NUBP2: variants seen among roughly 807,000 people sequenced by gnomAD.
The protein encoded by NUBP2 is NUBP iron-sulfur cluster assembly factor 2, cytosolic, also known as cytosolic Fe-S cluster assembly factor NUBP2.
In NUBP2, 23 loss-of-function variants were observed where a neutral mutation model predicts 24.9. That is an observed-to-expected ratio of 0.92 (90% CI 0.66 to 1.31). The LOEUF is 1.31. Ranked by LOEUF, NUBP2 falls within the 50% of genes most tolerant of loss-of-function variation. The pLI is 0.00. For missense variants in NUBP2, 403 were observed against 386.5 expected (o/e 1.04, Z -0.36); for synonymous variants, 186 against 170.9 (o/e 1.09, Z -0.69).
chr16:1,784,906 GCA>G (rs1039827667), intron 1 of NUBP2: 7 of 162,724 alleles, frequency 4.3e-5, no homozygotes, highest in Admixed American at 3.3e-4. Flanking sequence ...GCATGGTGGC[GCA>G]CGCCTGTGGT....
chr16:1,788,264 G>A, intron 6 of NUBP2, 57 bp downstream of exon 6: 1 of 1,427,340 alleles, frequency 7.0e-7, no homozygotes, highest in Non-Finnish European at 9.2e-7. Flanking sequence ...TCTGCCCTGG[G>A]CGGGTTTGAC....
intron 1 of NUBP2, chr16:1,785,953 G>C (rs1041414248): frequency 2.4e-6 from 3 of 1,245,774 alleles, no homozygotes; most frequent in South Asian, 2.7e-5. Flanking sequence ...AGCCCCTGCC[G>C]TGTGGCAGGG....
At position 1,788,225 on chromosome 16, in the gene NUBP2, G is replaced by C; in HGVS notation, c.670+18G>C. 1 of 1,460,414 alleles carries C rather than the reference G, an allele frequency of 6.8e-7. No homozygotes were observed. Among genetic ancestry groups the C allele is most frequent in the South Asian group, 1.4e-5 (1 of 69,694 alleles). The allele number at this position is 1,460,414 out of a possible 1,614,324, so 90.5% of individuals were successfully genotyped here. A position where few individuals can be genotyped will look rare whatever the true frequency, so the allele number is the denominator to read the frequency against. The stretch of plus-strand genomic sequence containing the variant: ...CTTCTTAGGTGAGTGTCCCAAGCTG[G>C]TGCTGGGGTCGCGGCCTCCCATTCC... On this transcript the variant is annotated intron_variant, in intron 6 of 6. Coordinates refer to ENST00000262302, the MANE Select transcript of NUBP2 (RefSeq NM_012225.4).
rs1444844865 is a variant in NUBP2 at position 1,786,520 on chromosome 16, G to A, written c.17-17G>A. 3.2e-6 allele frequency: 5 copies of A among 1,579,670 alleles called. No individual in the cohort carries two copies. Among genetic ancestry groups the A allele is most frequent in the Non-Finnish European group, 3.5e-6 (4 of 1,158,564 alleles). ...GGCACCAGGAGCCCTGACCTTCTCT[G>A]TCGTGTTTCCGCCCAGAGCCTGGAA... On this transcript the variant is annotated splice_polypyrimidine_tract_variant and intron_variant, in intron 1 of 6. Transcript: ENST00000262302.
At chr16:1,785,139 C>A in intron 1 of NUBP2, 1 of 990,756 alleles carries the variant, frequency 1.0e-6, no homozygotes, top group Non-Finnish European at 1.2e-6. Flanking sequence ...CTGACCGGGA[C>A]TCATTGTCCA....
rs1207713149 is a variant in NUBP2, at chr16:1,786,566, A to G, written c.46A>G (p.Ile16Val). 14 of 1,605,580 alleles carry G rather than the reference A, an allele frequency of 8.7e-6. No homozygotes were observed. Among genetic ancestry groups the G allele is most frequent in the African/African-American group, 8.0e-5 (6 of 74,894 alleles). Reference sequence around the variant, plus strand: ...TGGAAACCTGGCCGGCGTCAGGCACATCATCCTGGTCCTCTCAGGAAAGGG... The same window carrying G: ...TGGAAACCTGGCCGGCGTCAGGCACGTCATCCTGGTCCTCTCAGGAAAGGG... The part of the protein sequence containing the change: ...EPGNLAGVRH[I>V]ILVLSGKGGV... Residue 16 changes from isoleucine (I) to valine (V), a missense_variant, in exon 2 of 7, where the codon ATC becomes GTC. Ile to Val is a conservative substitution (Grantham distance 29, BLOSUM62 3). Coordinates refer to ENST00000262302, the MANE Select transcript of NUBP2 (RefSeq NM_012225.4).
intron 4 of NUBP2, 40 bp from the exon 5 acceptor site, chr16:1,787,901 G>T (rs1273749771): frequency 6.2e-7 from 1 of 1,600,062 alleles, no homozygotes. Flanking sequence ...GTCCCTGCTG[G>T]TGCGCCTGGC....
chr16:1,786,018 C>T lies in NUBP2; in HGVS notation c.17-519C>T, dbSNP rs73483738. ...CTGGAGCTGTGCTGGAAGCAGCCGG[C>T]TCCCCTCACTTACCGCACATTGCAG... On this transcript the variant is annotated intron_variant, in intron 1 of 6. Coordinates refer to ENST00000262302, the MANE Select transcript of NUBP2 (RefSeq NM_012225.4). 6.9e-3 allele frequency: 8,114 copies of T among 1,183,268 alleles called. 438 individuals are homozygous for T. The African/African-American group carries it at 0.12, about 17-fold the overall frequency. The allele number at this position is 1,183,268 out of a possible 1,614,324, so 73.3% of individuals were successfully genotyped here.
At chr16:1,787,183 C>A (rs150910407) in intron 3 of NUBP2, 14 of 484,434 alleles carry the variant, frequency 2.9e-5, no homozygotes, top group Middle Eastern at 5.3e-4. Context: ...TCTGCTGAGA[C>A]CCTGGCCATG....
rs1897138092 is a variant in NUBP2, at chr16:1,789,100, C to G, written c.*386C>G. 2 of 190,282 alleles carry G rather than the reference C, an allele frequency of 1.1e-5. No individual in the cohort carries two copies. Among genetic ancestry groups the G allele is most frequent in the Non-Finnish European group, 2.1e-5 (2 of 93,482 alleles). The allele number at this position is 190,282 out of a possible 1,614,324, so 11.8% of individuals were successfully genotyped here. A position where few individuals can be genotyped will look rare whatever the true frequency, so the allele number is the denominator to read the frequency against. On this transcript the variant is annotated 3_prime_UTR_variant, in exon 7 of 7. Transcript: ENST00000262302. ...TCATCTGTGTTTAGCTCGGGGAGTG[C>G]CCCCTAAGGGGGCGAACTGACCTCA...
chr16:1,788,166 G>A lies in NUBP2; in HGVS notation c.629G>A (p.Gly210Asp). 1 of 1,535,156 alleles carries A rather than the reference G, an allele frequency of 6.5e-7. No individual in the cohort carries two copies. ...TGCACCAGCGTCTTCTCCAGGGGCG[G>A]CGGAGAGGAGCTGGCCCAGCTCGCC... Reference protein sequence around the residue: ...TECTSVFSRGGGEELAQLAGV... With the variant: ...TECTSVFSRGDGEELAQLAGV... The change falls in exon 6 of 7, where the codon GGC becomes GAC. Residue 210 changes from glycine (G) to aspartate (D), a missense_variant. Gly to Asp is a moderately conservative substitution (Grantham distance 94, BLOSUM62 -1). Coordinates refer to ENST00000262302, the MANE Select transcript of NUBP2 (RefSeq NM_012225.4).
At chr16:1,787,419 T>C (rs1897028262) in intron 3 of NUBP2, 2 of 560,416 alleles carry the variant, frequency 3.6e-6, no homozygotes, top group South Asian at 2.3e-5. Flanking sequence ...GTGTTCTGAT[T>C]TGGGGCCTCG....
chr16:1,785,962 GGACA>G, intron 1 of NUBP2: 2 of 1,216,138 alleles, frequency 1.6e-6, no homozygotes, highest in Non-Finnish European at 2.1e-6. Flanking sequence ...CGTGTGGCAG[GGACA>G]GGATGGGACC....
chr16:1,783,606 A>G (rs1349553107), intron 1 of NUBP2: 6 of 577,632 alleles, frequency 1.0e-5, no homozygotes, highest in Non-Finnish European at 1.3e-5. Flanking sequence ...TTTATCTTCT[A>G]AGAGACCTCG....
At chr16:1,783,072 G>A (rs1453518506) in intron 1 of NUBP2, 36 bp downstream of exon 1, 10 of 1,247,686 alleles carry the variant, frequency 8.0e-6, no homozygotes, top group Non-Finnish European at 1.0e-5. Flanking sequence ...CCGCTCCAGG[G>A]CCTCGCTTGG....
chr16:1,784,617 G>T (rs1350965851), intron 1 of NUBP2: 1 of 151,752 alleles, frequency 6.6e-6, no homozygotes, highest in East Asian at 2.0e-4. Context: ...TGTTGGCCAG[G>T]CTGGTCTCGA....
At position 1,786,944 on chromosome 16, in the gene NUBP2, C is replaced by T. The variant is rs776712049; in HGVS notation, c.323C>T (p.Pro108Leu). The T allele has an allele frequency of 1.3e-6, 2 of 1,518,192 alleles. No individual in the cohort carries two copies. Among genetic ancestry groups the T allele is most frequent in the South Asian group, 1.3e-5 (1 of 78,226 alleles). 94.0% of individuals were successfully genotyped at this position (1,518,192 alleles called of 1,614,324 possible). ...GACGAGGCCGTGGTGTGGAGAGGCCCCAAGAAAAACGGTAACGGCCGGGCG... is the reference window on the plus strand; with the variant it reads ...GACGAGGCCGTGGTGTGGAGAGGCCTCAAGAAAAACGGTAACGGCCGGGCG... ...KPDEAVVWRGPKKNALIKQFV... is the reference protein window; with the variant it reads ...KPDEAVVWRGLKKNALIKQFV... The change falls in exon 3 of 7, where the codon CCC (proline) becomes CTC (leucine). Residue 108 changes from proline (P) to leucine (L), a missense_variant. Coordinates refer to ENST00000262302, the MANE Select transcript of NUBP2 (RefSeq NM_012225.4).
chr16:1,788,418 T>A, intron 6 of NUBP2, 151 bp from the exon 7 acceptor site: 1 of 1,271,200 alleles, frequency 7.9e-7, no homozygotes. Flanking sequence ...GGACCCAGCC[T>A]GCTGGGAGGG....
At position 1,783,001 on chromosome 16, in the gene NUBP2, G is replaced by T; in HGVS notation, c.-20G>T. On this transcript the variant is annotated 5_prime_UTR_variant, in exon 1 of 7. Coordinates refer to ENST00000262302, the MANE Select transcript of NUBP2 (RefSeq NM_012225.4). ...GCGGGCGTAAGCGGACTGCAGCCGC[G>T]AGCTCCTGGAGGCGGCGGGATGGAG... The T allele has an allele frequency of 7.1e-7, 1 of 1,398,820 alleles. No individual in the cohort carries two copies. The highest frequency in any genetic ancestry group is 9.3e-7 in the Non-Finnish European group (1 of 1,072,612). The allele number at this position is 1,398,820 out of a possible 1,614,324, so 86.7% of individuals were successfully genotyped here.
Sources: gnomAD v4.1 joint callset for allele counts on GRCh38, gnomAD v4.1.1 for gene constraint, MANE v1.5 for transcripts, NCBI Gene and HGNC (gene_info 2026-07-23, HGNC 2026-07-21) for gene names.